FAM83B: variants seen among roughly 807,000 people sequenced by gnomAD.
The protein encoded by FAM83B is scaffolding CK1 anchoring protein B, also known as protein FAM83B.
FAM83B carries 26 observed loss-of-function variants against 38.8 expected under a neutral mutation model. The ratio of observed to expected loss-of-function variants is 0.67; its 90% CI spans 0.49 to 0.93. The LOEUF is 0.93. FAM83B is among the 40% of genes least tolerant of loss of function. FAM83B has a pLI of 0.00. For missense variants in FAM83B, 1,237 were observed against 1,197.3 expected (o/e 1.03, Z -0.49); for synonymous variants, 419 against 423.1 (o/e 0.99, Z 0.12).
intron 2 of FAM83B, among the ~76,000 whole-genome samples, chr6:54,898,799 GTGCCACA>G (rs1337014622): frequency 4.3e-4 from 66 of 152,186 alleles, no homozygotes; most frequent in African/African-American, 1.5e-3. Flanking sequence ...TCTATTCGCA[GTGCCACA>G]TGCTCTACTT....
At chr6:54,905,165 T>C (rs1339863898) in intron 2 of FAM83B, among the ~76,000 whole-genome samples, 1 of 152,044 alleles carries the variant, frequency 6.6e-6, no homozygotes, top group Non-Finnish European at 1.5e-5. Context: ...ATTTATTTGC[T>C]GCAAAGAAAA....
In FAM83B at chr6:54,898,796, G is replaced by A. The variant is rs73431451; in HGVS notation, c.445-27575G>A. Reference sequence around the variant, plus strand: ...CAAATTGGTTCTATTTTCTCTATTCGCAGTGCCACATGCTCTACTTTAGGC... The same window carrying A: ...CAAATTGGTTCTATTTTCTCTATTCACAGTGCCACATGCTCTACTTTAGGC... On this transcript the variant is annotated intron_variant, in intron 2 of 4. Transcript: ENST00000306858. 8.0e-3 allele frequency among the ~76,000 whole-genome samples: 1,210 copies of A among 151,946 alleles called. 15 individuals carry two copies. The highest frequency in any genetic ancestry group is 0.028 in the African/African-American group (1,142 of 41,422).
At chr6:54,877,274 A>C (rs1159972477) in intron 2 of FAM83B, among the ~76,000 whole-genome samples, 1 of 152,218 alleles carries the variant, frequency 6.6e-6, no homozygotes, top group Non-Finnish European at 1.5e-5. Flanking sequence ...CCTTAGGTAC[A>C]CATTGAGGCA....
chr6:54,907,176 C>G (rs972155081), intron 2 of FAM83B, among the ~76,000 whole-genome samples: 1 of 152,076 alleles, frequency 6.6e-6, no homozygotes, highest in South Asian at 2.1e-4. Context: ...CGTATTCCAG[C>G]CTCTTTTGTT....
rs561180884 is a variant in FAM83B at position 54,861,795 on chromosome 6, C to T, written c.-60-8392C>T. 2.3e-3 allele frequency among the ~76,000 whole-genome samples: 349 copies of T among 152,196 alleles called. 1 individual carries two copies. Among genetic ancestry groups the T allele is most frequent in the African/African-American group, 8.1e-3 (335 of 41,520 alleles). On this transcript the variant is annotated intron_variant, in intron 1 of 4. Coordinates refer to ENST00000306858, the MANE Select transcript of FAM83B (RefSeq NM_001010872.3). ...AAAGAAGGGAGTTTATTTCTGCAAC[C>T]GGTTACAGGGAAAAGGCCTGAGTAA... is the stretch of plus-strand genomic sequence containing the variant.
In FAM83B at chr6:54,940,823, G is replaced by A. The variant is rs771600095; in HGVS notation, c.1852G>A (p.Glu618Lys). ...AAAAATGCACACCTTGCAGGTTCCT[G>A]AAAACCACTCAGTAGCCTTAAACCA... ...APKMHTLQVP[E>K]NHSVALNQTT... is the part of the protein sequence containing the mutation. The change falls in exon 5 of 5, where the codon GAA becomes AAA. Residue 618 changes from glutamate to lysine, a missense_variant. Coordinates refer to ENST00000306858, the MANE Select transcript of FAM83B (RefSeq NM_001010872.3). 1 of 1,613,950 alleles carries A rather than the reference G, an allele frequency of 6.2e-7. No individual in the cohort carries two copies. Among genetic ancestry groups the A allele is most frequent in the Admixed American group, 1.7e-5 (1 of 59,970 alleles).
intron 4 of FAM83B, among the ~76,000 whole-genome samples, chr6:54,934,824 T>G (rs1032795584): frequency 6.6e-6 from 1 of 152,140 alleles, no homozygotes; most frequent in African/African-American, 2.4e-5. Flanking sequence ...TTTCATGACC[T>G]TTCTAACCCA....
At position 54,941,007 on chromosome 6, in the gene FAM83B, A is replaced by G. The variant is rs1472927212; in HGVS notation, c.2036A>G (p.Asn679Ser). 3 of 1,614,044 alleles carry G rather than the reference A, an allele frequency of 1.9e-6. No individual in the cohort carries two copies. The highest frequency in any genetic ancestry group is 1.3e-5 in the African/African-American group (1 of 75,060). ...TCAAAAGCCAACTTAGATCCTGGAA[A>G]TAGTAAGCATTATGTATATAGTACA... is the stretch of plus-strand genomic sequence containing the variant. ...DNSKANLDPG[N>S]SKHYVYSTLT... The change falls in exon 5 of 5, where the codon AAT (asparagine) becomes AGT (serine). Residue 679 changes from asparagine (N) to serine (S), a missense_variant. By Grantham distance (46) the Asn-to-Ser change is conservative. Coordinates refer to ENST00000306858, the MANE Select transcript of FAM83B (RefSeq NM_001010872.3).
chr6:54,941,209 G>A lies in FAM83B; in HGVS notation c.2238G>A (p.Val746=), dbSNP rs368341613. 4.8e-5 allele frequency: 78 copies of A among 1,613,776 alleles called. No homozygotes were observed. Among genetic ancestry groups the A allele is most frequent in the Middle Eastern group, 3.3e-4 (2 of 6,082 alleles). The change falls in exon 5 of 5, where the codon GTG becomes GTA. Residue 746 remains valine, a synonymous_variant. Transcript: ENST00000306858. ...KSVSIAALLD[V]NKEESNKELA... Reference sequence around the variant, plus strand: ...TTTCCATTGCTGCTTTACTTGATGTGAATAAAGAGGAATCTAACAAAGAAC... The same window carrying A: ...TTTCCATTGCTGCTTTACTTGATGTAAATAAAGAGGAATCTAACAAAGAAC...
At chr6:54,856,821 T>C (rs1046009591) in intron 1 of FAM83B, among the ~76,000 whole-genome samples, 9 of 152,160 alleles carry the variant, frequency 5.9e-5, no homozygotes, top group Non-Finnish European at 1.2e-4. Flanking sequence ...AAATGACTGA[T>C]AAAGAATTGG....
At chr6:54,939,594 A>G (rs1025500022) in intron 4 of FAM83B, 112 bp from the exon 5 acceptor site, 2 of 966,302 alleles carry the variant, frequency 2.1e-6, no homozygotes, top group Non-Finnish European at 2.9e-6. Flanking sequence ...CTAAATAATG[A>G]TAGCCAAAGA....
chr6:54,917,472 T>G (rs1773072120), intron 2 of FAM83B, among the ~76,000 whole-genome samples: 2 of 152,130 alleles, frequency 1.3e-5, no homozygotes, highest in Admixed American at 1.3e-4. Context: ...AATTAATAAT[T>G]TAATCATTTC....
chr6:54,882,580 T>C (rs116154161), intron 2 of FAM83B, among the ~76,000 whole-genome samples: 409 of 152,292 alleles, frequency 2.7e-3, no homozygotes, highest in African/African-American at 9.4e-3. Flanking sequence ...GCAAACCAGC[T>C]GAACATTCAC....
intron 2 of FAM83B, among the ~76,000 whole-genome samples, chr6:54,899,065 G>A (rs1426810789): frequency 1.3e-5 from 2 of 152,104 alleles, no homozygotes; most frequent in Non-Finnish European, 2.9e-5. Context: ...TGAAGTCCTT[G>A]AGATAGGAAC....
At chr6:54,928,867 A>G (rs1272828895) in intron 4 of FAM83B, among the ~76,000 whole-genome samples, 2 of 152,186 alleles carry the variant, frequency 1.3e-5, no homozygotes, top group Non-Finnish European at 2.9e-5. Context: ...GCCACTAGAT[A>G]TTAATAGTTG....
At chr6:54,869,282 G>A (rs1771788087) in intron 1 of FAM83B, among the ~76,000 whole-genome samples, 1 of 152,074 alleles carries the variant, frequency 6.6e-6, no homozygotes, top group Non-Finnish European at 1.5e-5. Context: ...CTTCCTCACT[G>A]CGTTTTTGAA....
At chr6:54,857,454 T>C (rs548899932) in intron 1 of FAM83B, among the ~76,000 whole-genome samples, 1 of 152,298 alleles carries the variant, frequency 6.6e-6, no homozygotes, top group Admixed American at 6.5e-5. Flanking sequence ...CTTCCCGTGG[T>C]GTTCAGGGAA....
rs1426725058 is a variant in FAM83B, at chr6:54,939,700, C to T, written c.735-6C>T. ...ATGATTAAAATTTTTCCATTTTTTTCCCCAGTTATATGTGGTCATTTGAGA... is the reference window on the plus strand; with the variant it reads ...ATGATTAAAATTTTTCCATTTTTTTTCCCAGTTATATGTGGTCATTTGAGA... On this transcript the variant is annotated splice_region_variant and splice_polypyrimidine_tract_variant and intron_variant, in intron 4 of 4. Coordinates refer to ENST00000306858, the MANE Select transcript of FAM83B (RefSeq NM_001010872.3). 4.5e-6 allele frequency: 7 copies of T among 1,547,638 alleles called. No individual in the cohort carries two copies. The highest frequency in any genetic ancestry group is 1.4e-5 in the African/African-American group (1 of 71,686).
intron 2 of FAM83B, among the ~76,000 whole-genome samples, chr6:54,874,763 T>C (rs949690265): frequency 3.3e-5 from 5 of 152,142 alleles, no homozygotes; most frequent in Non-Finnish European, 5.9e-5. Flanking sequence ...TGAATCTTAC[T>C]CTTGTGAAAT....
Sources: gnomAD v4.1 joint callset for allele counts (sites outside exome capture counted in the v4.1 genomes callset) on GRCh38, gnomAD v4.1.1 for gene constraint, MANE v1.5 for transcripts, NCBI Gene and HGNC (gene_info 2026-07-23, HGNC 2026-07-21) for gene names.